DNM1: variants seen among roughly 807,000 people sequenced by gnomAD.
DNM1 encodes dynamin-1.
In DNM1, 29 loss-of-function variants were observed where a neutral mutation model predicts 104.6. That is an observed-to-expected ratio of 0.28 (90% confidence interval 0.21 to 0.38). The LOEUF is 0.38. Ranked by LOEUF, DNM1 falls within the 10% of genes least tolerant of loss-of-function variation. The pLI is 1.00. For synonymous variants in DNM1, 445 were observed against 475.8 expected (o/e 0.94, Z 0.84); for missense variants, 640 against 1,189.4 (o/e 0.54, Z 6.79).
intron 1 of DNM1, among the ~76,000 whole-genome samples, chr9:128,205,365 A>T (rs1213144377): frequency 6.6e-6 from 1 of 152,126 alleles, no homozygotes; most frequent in African/African-American, 2.4e-5. Flanking sequence ...AGCCCATCCC[A>T]TGCATCCCCC....
rs1836749702 is a variant in DNM1 at position 128,245,619 on chromosome 9, A to T, written c.1672-775A>T. On this transcript the variant is annotated intron_variant, in intron 15 of 21. Coordinates refer to ENST00000372923, the MANE Select transcript of DNM1 (RefSeq NM_004408.4). The surrounding 1 kb of genome is among the most constrained non-coding windows in gnomAD (Gnocchi z 5.2). ...AGACAGCTCTAGATAAATCAAACACACAGCCCATTGTACCACGGTGTGCAG... is the reference window on the plus strand; with the variant it reads ...AGACAGCTCTAGATAAATCAAACACTCAGCCCATTGTACCACGGTGTGCAG... 6.6e-6 allele frequency among the ~76,000 whole-genome samples: 1 copy of T among 152,124 alleles called. No individual in the cohort carries two copies. Among genetic ancestry groups the T allele is most frequent in the South Asian group, 2.1e-4 (1 of 4,828 alleles).
chr9:128,222,094 A>G lies in DNM1; in HGVS notation c.850-103A>G, dbSNP rs1835059430. 4 of 1,430,662 alleles carry G rather than the reference A, an allele frequency of 2.8e-6. No homozygotes were observed. Among genetic ancestry groups the G allele is most frequent in the Non-Finnish European group, 3.8e-6 (4 of 1,060,012 alleles). The allele number at this position is 1,430,662 out of a possible 1,614,324, so 88.6% of individuals were successfully genotyped here. A position where few individuals can be genotyped will look rare whatever the true frequency, so the allele number is the denominator to read the frequency against. On this transcript the variant is annotated intron_variant, in intron 6 of 21. Coordinates refer to ENST00000372923, the MANE Select transcript of DNM1 (RefSeq NM_004408.4). This position sits in a 1 kb window ranked among gnomAD's most constrained non-coding sequence, Gnocchi z 7.8. ...GGCAGCAGTGGCAGGGCTGCCCTCC[A>G]TAGCTCTCCACCTCACCACGTTCAC...
At chr9:128,214,526 G>A (rs1834491869) in intron 1 of DNM1, among the ~76,000 whole-genome samples, 1 of 152,206 alleles carries the variant, frequency 6.6e-6, no homozygotes, top group Non-Finnish European at 1.5e-5. Flanking sequence ...GGATCCCAGA[G>A]CTCTGATCCC....
chr9:128,223,196 G>A (rs991906697), intron 9 of DNM1: 5 of 329,280 alleles, frequency 1.5e-5, no homozygotes, highest in Non-Finnish European at 2.3e-5. Context: ...AAACCACTAC[G>A]AGGGCCTGGG....
Position 128,205,729 on chromosome 9 carries a change from G to T in DNM1, c.161+2098G>T, listed in dbSNP as rs970376895. Among the ~76,000 whole-genome samples, 31 of 152,176 alleles carry T rather than the reference G, an allele frequency of 2.0e-4. 1 individual carries two copies. The highest frequency in any genetic ancestry group is 4.3e-4 in the Non-Finnish European group (29 of 68,026). On this transcript the variant is annotated intron_variant, in intron 1 of 21. Transcript: ENST00000372923. ...TGCTTTTGTAAACATGCGGGAGGGG[G>T]CGCTGATAGCCAATTAGGCTTGGGG...
At position 128,203,585 on chromosome 9, in the gene DNM1, G is replaced by A. The variant is rs1396976779; in HGVS notation, c.115G>A (p.Gly39Ser). 1 of 1,551,836 alleles carries A rather than the reference G, an allele frequency of 6.4e-7. No homozygotes were observed. The highest frequency in any genetic ancestry group is 8.7e-7 in the Non-Finnish European group (1 of 1,153,096). Residue 39 changes from glycine to serine, a missense_variant, in exon 1 of 22, where the codon GGC (glycine) becomes AGC (serine). Physicochemically the swap from Gly to Ser is moderately conservative, Grantham distance 56. Transcript: ENST00000372923. This position sits in a 1 kb window ranked among gnomAD's most constrained non-coding sequence, Gnocchi z 5.3. ...LDLPQIAVVG[G>S]QSAGKSSVLE... ...CCTGCCGCAGATCGCTGTGGTGGGC[G>A]GCCAGAGCGCCGGCAAGAGCTCGGT...
rs1421655908 is a variant in DNM1, at chr9:128,211,471, T to C, written c.162-6760T>C. On this transcript the variant is annotated intron_variant, in intron 1 of 21. Coordinates refer to ENST00000372923, the MANE Select transcript of DNM1 (RefSeq NM_004408.4). ...TATGCTGTTCTCTCGCCTGGAAGCCTCTTTTTTTTTTTTTTTTTTTTTTTT... is the reference window on the plus strand; with the variant it reads ...TATGCTGTTCTCTCGCCTGGAAGCCCCTTTTTTTTTTTTTTTTTTTTTTTT... Among the ~76,000 whole-genome samples, 163 of 114,650 alleles carry C rather than the reference T, an allele frequency of 1.4e-3. 1 individual carries two copies. The highest frequency in any genetic ancestry group is 4.9e-3 in the African/African-American group (154 of 31,346). The allele number at this position is 114,650 out of a possible 152,430, so 75.2% of individuals were successfully genotyped here. A position where few individuals can be genotyped will look rare whatever the true frequency, so the allele number is the denominator to read the frequency against.
chr9:128,212,749 T>C (rs1438112255), intron 1 of DNM1, among the ~76,000 whole-genome samples: 8 of 152,350 alleles, frequency 5.3e-5, no homozygotes, highest in Admixed American at 4.6e-4. Flanking sequence ...CCAAAGGCTG[T>C]AGATTTTCTT....
chr9:128,246,363 C>T, intron 15 of DNM1, 31 bp from the exon 16 acceptor site: 3 of 1,502,946 alleles, frequency 2.0e-6, no homozygotes, highest in Non-Finnish European at 2.8e-6. Flanking sequence ...CAGTGCCAAC[C>T]TCACCCCATT....
In DNM1 at chr9:128,224,060, C is replaced by T. The variant is rs1303114010; in HGVS notation, c.1197-191C>T. On this transcript the variant is annotated intron_variant, in intron 9 of 21. Transcript: ENST00000372923. This position sits in a 1 kb window ranked among gnomAD's most constrained non-coding sequence, Gnocchi z 4.3. ...CAAGACTCCGTCTCAAAAAAAATAA[C>T]AACAACAACAAAAAACCCTTCATTA... 2 of 653,658 alleles carry T rather than the reference C, an allele frequency of 3.1e-6. No homozygotes were observed. Among genetic ancestry groups the T allele is most frequent in the Non-Finnish European group, 4.8e-6 (2 of 419,576 alleles). The allele number at this position is 653,658 out of a possible 1,614,324, so 40.5% of individuals were successfully genotyped here. A position where few individuals can be genotyped will look rare whatever the true frequency, so the allele number is the denominator to read the frequency against.
intron 15 of DNM1, among the ~76,000 whole-genome samples, chr9:128,244,137 TG>T (rs1488959558): frequency 8.7e-6 from 1 of 114,794 alleles, no homozygotes; most frequent in African/African-American, 5.2e-5. Context: ...CAGGTGTGTG[TG>T]GGGAGGGGGC....
chr9:128,251,761 A>G (rs964614660), intron 21 of DNM1: 7 of 152,688 alleles, frequency 4.6e-5, no homozygotes, highest in African/African-American at 1.7e-4. Context: ...GCTTTCTACT[A>G]CATCCTTTGG....
chr9:128,211,745 T>C (rs562180163), intron 1 of DNM1, among the ~76,000 whole-genome samples: 11 of 152,190 alleles, frequency 7.2e-5, no homozygotes, highest in African/African-American at 2.6e-4. Context: ...AGCCAACACC[T>C]CCTCTGGGAT....
intron 10 of DNM1, chr9:128,225,962 T>G: frequency 6.9e-7 from 1 of 1,458,696 alleles, no homozygotes; most frequent in Non-Finnish European, 9.5e-7. Context: ...CTGTCTCTGC[T>G]TGGCTTTCAC....
rs901423796 is a variant in DNM1, at chr9:128,203,952, C to T, written c.161+321C>T. The T allele has an allele frequency of 1.7e-5, 3 of 178,754 alleles. No homozygotes were observed. Among genetic ancestry groups the T allele is most frequent in the Non-Finnish European group, 3.5e-5 (3 of 86,220 alleles). 11.1% of individuals were successfully genotyped at this position (178,754 alleles called of 1,614,324 possible). On this transcript the variant is annotated intron_variant, in intron 1 of 21. Coordinates refer to ENST00000372923, the MANE Select transcript of DNM1 (RefSeq NM_004408.4). This position sits in a 1 kb window ranked among gnomAD's most constrained non-coding sequence, Gnocchi z 5.3. ...AGCTGCCCCCCGCCCCCAACATGGG[C>T]ATGGAGAGAGCCCGCATTACTCAGC...
intron 15 of DNM1, chr9:128,244,962 C>T (rs1359992559): frequency 3.3e-6 from 1 of 303,984 alleles, no homozygotes; most frequent in Non-Finnish European, 7.1e-6. Context: ...CCTCTCTGCT[C>T]CCAACTCCCC....
chr9:128,222,376 C>T lies in DNM1; in HGVS notation c.992+37C>T. On this transcript the variant is annotated intron_variant, in intron 7 of 21. Transcript: ENST00000372923. This position sits in a 1 kb window ranked among gnomAD's most constrained non-coding sequence, Gnocchi z 7.8. ...CCAGCTCCTATCACTGAATCCCCGC[C>T]CCCAGCCTCTCAGCGTGGGGCTCTC... is the stretch of plus-strand genomic sequence containing the variant. 6.2e-7 allele frequency: 1 copy of T among 1,608,764 alleles called. No homozygotes were observed. Among genetic ancestry groups the T allele is most frequent in the Non-Finnish European group, 8.5e-7 (1 of 1,176,222 alleles).
chr9:128,220,439 G>A lies in DNM1; in HGVS notation c.849+98G>A, dbSNP rs373875706. The A allele has an allele frequency of 2.0e-5, 29 of 1,453,626 alleles. No individual in the cohort carries two copies. The highest frequency in any genetic ancestry group is 7.1e-5 in the East Asian group (3 of 42,492). The allele number at this position is 1,453,626 out of a possible 1,614,324, so 90.0% of individuals were successfully genotyped here. A position where few individuals can be genotyped will look rare whatever the true frequency, so the allele number is the denominator to read the frequency against. On this transcript the variant is annotated intron_variant, in intron 6 of 21. Transcript: ENST00000372923. The surrounding 1 kb of genome is among the most constrained non-coding windows in gnomAD (Gnocchi z 5.2). ...GTGAACAGCAGAGGTTAGCCTCTCC[G>A]TAGTGCAGATAGACAAACTGAGCCT...
In DNM1 at chr9:128,246,445, G is replaced by A. The variant is rs748647924; in HGVS notation, c.1723G>A (p.Val575Met). 1.9e-6 allele frequency: 3 copies of A among 1,614,068 alleles called. No homozygotes were observed. The highest frequency in any genetic ancestry group is 2.5e-6 in the Non-Finnish European group (3 of 1,179,978). The change falls in exon 16 of 22, where the codon GTG becomes ATG. Residue 575 changes from valine to methionine, a missense_variant. Physicochemically the swap from Val to Met is conservative, Grantham distance 21. Coordinates refer to ENST00000372923, the MANE Select transcript of DNM1 (RefSeq NM_004408.4). ...TGTGGACAACCTCAAGCTGCGGGAC[G>A]TGGAGAAGGGCTTTATGTCGAGCAA... ...LSVDNLKLRD[V>M]EKGFMSSKHI...
Sources: allele counts gnomAD v4.1 joint callset (sites outside exome capture counted in the v4.1 genomes callset), GRCh38; gene constraint gnomAD v4.1.1; non-coding constraint Gnocchi (gnomAD v3.1); transcripts MANE v1.5; gene names NCBI Gene and HGNC (gene_info 2026-07-23, HGNC 2026-07-21).